SLC35G3: variants seen among roughly 807,000 people sequenced by gnomAD.
The protein encoded by SLC35G3 is solute carrier family 35 member G3, also known as acyl-malonyl-condensing enzyme 1.
A neutral mutation model predicts 17.9 loss-of-function variants in SLC35G3; 10 were observed. That is an observed-to-expected ratio of 0.56 (90% CI 0.34 to 0.95). SLC35G3 has a LOEUF of 0.95. SLC35G3 is among the 40% of genes least tolerant of loss of function. The probability of loss-of-function intolerance (pLI) is 0.02; values close to 1 mark genes in which losing one functional copy is unlikely to be tolerated. For missense variants in SLC35G3, 384 were observed against 433.6 expected (o/e 0.89, Z 1.02); for synonymous variants, 208 against 197.7 (o/e 1.05, Z -0.44).
rs749042807 is a variant in SLC35G3, at chr17:35,193,453, G to A, written c.855C>T (p.Val285=). The stretch of plus-strand genomic sequence containing the variant: ...GGGCCACAACCACCTCGGAATGTAG[G>A]ACAGCGCACACCAGGGCAGGGTGGG... ...TKAHPALVCA[V]LHSEVVVALI... is the part of the protein sequence containing the mutation. Residue 285 remains valine (V), a synonymous_variant, in exon 1 of 1, where the codon GTC becomes GTT. Transcript: ENST00000297307. 1.1e-5 allele frequency: 17 copies of A among 1,611,918 alleles called. No homozygotes were observed. Among genetic ancestry groups the A allele is most frequent in the Middle Eastern group, 2.2e-4 (1 of 4,456 alleles).
chr17:35,194,083 C>T lies in SLC35G3; in HGVS notation c.225G>A (p.Trp75Ter), dbSNP rs1342513968. The T allele has an allele frequency of 8.1e-6, 13 of 1,613,870 alleles. No individual in the cohort carries two copies. The highest frequency in any genetic ancestry group is 1.1e-5 in the Non-Finnish European group (13 of 1,179,880). ...CAATAGGGAGGTGGAAGAGGCATCGCCAGATGAGCAGCTCCAGCGAGGGCA... is the reference window on the plus strand; with the variant it reads ...CAATAGGGAGGTGGAAGAGGCATCGTCAGATGAGCAGCTCCAGCGAGGGCA... The part of the protein sequence containing the change: ...SNLPSLELLI[W>*]RCLFHLPIAL... The change falls in exon 1 of 1, where the codon TGG becomes TGA. Residue 75 changes from tryptophan to a stop codon, truncating the protein, a stop_gained. Coordinates refer to ENST00000297307, the MANE Select transcript of SLC35G3 (RefSeq NM_152462.2). LOFTEE classifies it high-confidence loss of function.
chr17:35,194,263 G>C lies in SLC35G3; in HGVS notation c.45C>G (p.His15Gln). 1.2e-6 allele frequency: 2 copies of C among 1,613,164 alleles called. No homozygotes were observed. The highest frequency in any genetic ancestry group is 2.2e-5 in the South Asian group (2 of 90,982). ...TGGGTGGAGCGGAGGGCGGCGATGGGTGTGTGGAGTCAGGCTGGTTGAAAT... is the reference window on the plus strand; with the variant it reads ...TGGGTGGAGCGGAGGGCGGCGATGGCTGTGTGGAGTCAGGCTGGTTGAAAT... ...HPYFNQPDST[H>Q]PSPPSAPPSL... The change falls in exon 1 of 1, where the codon CAC becomes CAG. Residue 15 changes from histidine (H) to glutamine (Q), a missense_variant. Transcript: ENST00000297307.
rs1261082583 is a variant in SLC35G3, at chr17:35,192,685, A to C, written c.*606T>G. On this transcript the variant is annotated 3_prime_UTR_variant, in exon 1 of 1. Transcript: ENST00000297307. ...TTTTATATCCAATGACTTTACAAAA[A>C]ATCATTTACAAAGAAGTGACTGCAT... The C allele has an allele frequency of 3.1e-5, 5 of 161,546 alleles. No homozygotes were observed. Among genetic ancestry groups the C allele is most frequent in the African/African-American group, 9.6e-5 (4 of 41,484 alleles). The allele number at this position is 161,546 out of a possible 1,614,324, so 10.0% of individuals were successfully genotyped here.
chr17:35,193,502 C>A lies in SLC35G3; in HGVS notation c.806G>T (p.Cys269Phe). The A allele has an allele frequency of 1.2e-6, 2 of 1,612,042 alleles. No individual in the cohort carries two copies. Among genetic ancestry groups the A allele is most frequent in the South Asian group, 2.2e-5 (2 of 90,986 alleles). The part of the protein sequence containing the change: ...VGILALVSFT[C>F]VGYAVTKAHP... The stretch of plus-strand genomic sequence containing the variant: ...GGCCTTGGTGACCGCATAGCCCACA[C>A]ATGTGAAGGAGACCAAGGCGAGGAT... The change falls in exon 1 of 1, where the codon TGT becomes TTT. Residue 269 changes from cysteine (C) to phenylalanine (F), a missense_variant. Physicochemically the swap from Cys to Phe is radical, Grantham distance 205. Transcript: ENST00000297307.
chr17:35,192,930 C>G lies in SLC35G3; in HGVS notation c.*361G>C, dbSNP rs2092332238. 3 of 340,574 alleles carry G rather than the reference C, an allele frequency of 8.8e-6. No individual in the cohort carries two copies. The highest frequency in any genetic ancestry group is 9.2e-4 in the Middle Eastern group (1 of 1,092). 21.1% of individuals were successfully genotyped at this position (340,574 alleles called of 1,614,324 possible). ...ACGCTTCCCTCCCCCAGCGCAGCTG[C>G]TGGCTCTGTCTTTGCCGGAACACTC... On this transcript the variant is annotated 3_prime_UTR_variant, in exon 1 of 1. Coordinates refer to ENST00000297307, the MANE Select transcript of SLC35G3 (RefSeq NM_152462.2).
chr17:35,193,326 G>T lies in SLC35G3; in HGVS notation c.982C>A (p.Leu328Ile). The change falls in exon 1 of 1, where the codon CTC (leucine) becomes ATC (isoleucine). Residue 328 changes from leucine to isoleucine, a missense_variant. Physicochemically the swap from Leu to Ile is conservative, Grantham distance 5 (BLOSUM62 2). Transcript: ENST00000297307. The part of the protein sequence containing the change: ...GSIAIITAQN[L>I]SCERTGRVEE ...ACCCTCCCTGTCCTCTCACAGCTGAGGTTCTGGGCTGTAATGATGGCAATG... is the reference window on the plus strand; with the variant it reads ...ACCCTCCCTGTCCTCTCACAGCTGATGTTCTGGGCTGTAATGATGGCAATG... The T allele has an allele frequency of 6.2e-7, 1 of 1,611,950 alleles. No homozygotes were observed. The highest frequency in any genetic ancestry group is 8.5e-7 in the Non-Finnish European group (1 of 1,179,856).
In SLC35G3 at chr17:35,193,049, T is replaced by C. The variant is rs978072903; in HGVS notation, c.*242A>G. 6 of 710,302 alleles carry C rather than the reference T, an allele frequency of 8.4e-6. No homozygotes were observed. The highest frequency in any genetic ancestry group is 7.2e-5 in the African/African-American group (4 of 55,866). 44.0% of individuals were successfully genotyped at this position (710,302 alleles called of 1,614,324 possible). ...GCCCTTTGGATCTGCTCCTCAGACT[T>C]TACCCCTTAGTTATGCCCTGATTCT... On this transcript the variant is annotated 3_prime_UTR_variant, in exon 1 of 1. Transcript: ENST00000297307.
chr17:35,194,109 G>T lies in SLC35G3; in HGVS notation c.199C>A (p.Leu67Met), dbSNP rs932971295. 1 of 1,613,840 alleles carries T rather than the reference G, an allele frequency of 6.2e-7. No individual in the cohort carries two copies. Among genetic ancestry groups the T allele is most frequent in the African/African-American group, 1.3e-5 (1 of 74,936 alleles). Residue 67 changes from leucine (L) to methionine (M), a missense_variant, in exon 1 of 1, where the codon CTG becomes ATG. Leu to Met is a conservative substitution (Grantham distance 15). Transcript: ENST00000297307. ...CAGATGAGCAGCTCCAGCGAGGGCA[G>T]GTTGGAAGCCTGGTAAGCCATACGA... ...LSRMAYQASN[L>M]PSLELLIWRC...
In SLC35G3 at chr17:35,193,378, G is replaced by T; in HGVS notation, c.930C>A (p.Ile310=). ...MLHETVAPSD[I]VAAGVVLGSI... is the part of the protein sequence containing the mutation. ...TGCCCAGCACAACCCCTGCCGCCACGATGTCAGAAGGTGCCACAGTCTCAT... is the reference window on the plus strand; with the variant it reads ...TGCCCAGCACAACCCCTGCCGCCACTATGTCAGAAGGTGCCACAGTCTCAT... Residue 310 remains isoleucine, a synonymous_variant, in exon 1 of 1, where the codon ATC becomes ATA. Transcript: ENST00000297307. The T allele has an allele frequency of 6.2e-7, 1 of 1,611,974 alleles. No individual in the cohort carries two copies. Among genetic ancestry groups the T allele is most frequent in the Non-Finnish European group, 8.5e-7 (1 of 1,179,860 alleles).
chr17:35,193,789 C>T lies in SLC35G3; in HGVS notation c.519G>A (p.Val173=). Reference sequence around the variant, plus strand: ...CCTGTAGTGTCCAGAGTCCAGGTCCCACAATGATGATTAGTCCTAGGATGC... The same window carrying T: ...CCTGTAGTGTCCAGAGTCCAGGTCCTACAATGATGATTAGTCCTAGGATGC... The part of the protein sequence containing the change: ...LGCILGLIII[V]GPGLWTLQEG... The change falls in exon 1 of 1, where the codon GTG becomes GTA. Residue 173 remains valine, a synonymous_variant. Transcript: ENST00000297307. 1.2e-6 allele frequency: 2 copies of T among 1,613,426 alleles called. No homozygotes were observed. Among genetic ancestry groups the T allele is most frequent in the Non-Finnish European group, 1.7e-6 (2 of 1,179,886 alleles).
rs1382690384 is a variant in SLC35G3, at chr17:35,193,079, C to T, written c.*212G>A. 1.0e-4 allele frequency: 89 copies of T among 890,230 alleles called. 1 individual carries two copies. In the East Asian group the frequency reaches 1.3e-3, roughly 13 times the overall value. The allele number at this position is 890,230 out of a possible 1,614,324, so 55.1% of individuals were successfully genotyped here. On this transcript the variant is annotated 3_prime_UTR_variant, in exon 1 of 1. Coordinates refer to ENST00000297307, the MANE Select transcript of SLC35G3 (RefSeq NM_152462.2). The stretch of plus-strand genomic sequence containing the variant: ...CCTTAGTTATGCCCTGATTCTAGGA[C>T]CCAGCCTGGACTCCACATCCCTTGG...
rs2092331698 is a variant in SLC35G3 at position 35,192,793 on chromosome 17, T to TC, written c.*497_*498insG. The TC allele has an allele frequency of 6.2e-6, 1 of 161,308 alleles. No homozygotes were observed. The highest frequency in any genetic ancestry group is 2.4e-5 in the African/African-American group (1 of 41,466). 10.0% of individuals were successfully genotyped at this position (161,308 alleles called of 1,614,324 possible). ...CTATTCAGGTATCTTTTTTTTTTTT[T>TC]TTCACATTCACTGTAATCCTTGTTT... On this transcript the variant is annotated 3_prime_UTR_variant, in exon 1 of 1. Transcript: ENST00000297307.
In SLC35G3 at chr17:35,193,586, A is replaced by AC. The variant is rs748041242; in HGVS notation, c.721_722insG (p.Leu241ArgfsTer9). ...GTCACTGGGCAACACGGGGGCCTGC[A>AC]GCACAAAGAGGCCTGGCACAGAGCC... On this transcript the variant is annotated frameshift_variant, in exon 1 of 1. Transcript: ENST00000297307. LOFTEE classifies it high-confidence loss of function. 6.2e-7 allele frequency: 1 copy of AC among 1,612,048 alleles called. No individual in the cohort carries two copies. The highest frequency in any genetic ancestry group is 8.5e-7 in the Non-Finnish European group (1 of 1,179,860).
rs1215003945 is a variant in SLC35G3, at chr17:35,193,337, G to A, written c.971C>T (p.Thr324Ile). The change falls in exon 1 of 1, where the codon ACA (threonine) becomes ATA (isoleucine). Residue 324 changes from threonine (T) to isoleucine (I), a missense_variant. Coordinates refer to ENST00000297307, the MANE Select transcript of SLC35G3 (RefSeq NM_152462.2). ...CCTCTCACAGCTGAGGTTCTGGGCT[G>A]TAATGATGGCAATGCTGCCCAGCAC... ...GVVLGSIAII[T>I]AQNLSCERTG... is the part of the protein sequence containing the mutation. 4 of 1,611,988 alleles carry A rather than the reference G, an allele frequency of 2.5e-6. No homozygotes were observed. The South Asian group carries it at 4.4e-5, about 18-fold the overall frequency.
chr17:35,193,711 T>C lies in SLC35G3; in HGVS notation c.597A>G (p.Gly199=). The part of the protein sequence containing the change: ...TALGYVEAFL[G]GLALSLRLLV... The stretch of plus-strand genomic sequence containing the variant: ...GAAGCCTCAGGGACAGCGCCAGGCC[T>C]CCCAGGAAAGCCTCCACATAGCCCA... The change falls in exon 1 of 1, where the codon GGA becomes GGG. Residue 199 remains glycine (G), a synonymous_variant. Coordinates refer to ENST00000297307, the MANE Select transcript of SLC35G3 (RefSeq NM_152462.2). The C allele has an allele frequency of 6.2e-7, 1 of 1,612,008 alleles. No homozygotes were observed. The highest frequency in any genetic ancestry group is 2.2e-5 in the East Asian group (1 of 44,870).
Position 35,192,888 on chromosome 17 carries a change from G to T in SLC35G3, c.*403C>A. ...GAGGAAAGGAAACCTTCCCCGTGAG[G>T]GGAGGGGTGGGGAGGCACGCTTCCC... is the stretch of plus-strand genomic sequence containing the variant. On this transcript the variant is annotated 3_prime_UTR_variant, in exon 1 of 1. Coordinates refer to ENST00000297307, the MANE Select transcript of SLC35G3 (RefSeq NM_152462.2). The T allele has an allele frequency of 3.8e-6, 1 of 261,280 alleles. No homozygotes were observed. The highest frequency in any genetic ancestry group is 7.4e-6 in the Non-Finnish European group (1 of 135,906). 16.2% of individuals were successfully genotyped at this position (261,280 alleles called of 1,614,324 possible). A position where few individuals can be genotyped will look rare whatever the true frequency, so the allele number is the denominator to read the frequency against.
Position 35,192,602 on chromosome 17 carries a change from G to A in SLC35G3, c.*689C>T, listed in dbSNP as rs1192765305. 6.4e-6 allele frequency: 1 copy of A among 156,110 alleles called. No homozygotes were observed. The highest frequency in any genetic ancestry group is 1.4e-5 in the Non-Finnish European group (1 of 70,924). 9.7% of individuals were successfully genotyped at this position (156,110 alleles called of 1,614,324 possible). ...TTAACAGTGCTAGTACAGATGATTT[G>A]ATTTATACATTGATTTCAGCATTTT... On this transcript the variant is annotated 3_prime_UTR_variant, in exon 1 of 1. Coordinates refer to ENST00000297307, the MANE Select transcript of SLC35G3 (RefSeq NM_152462.2).
chr17:35,193,045 G>C lies in SLC35G3; in HGVS notation c.*246C>G. On this transcript the variant is annotated 3_prime_UTR_variant, in exon 1 of 1. Transcript: ENST00000297307. The stretch of plus-strand genomic sequence containing the variant: ...CTCAGCCCTTTGGATCTGCTCCTCA[G>C]ACTTTACCCCTTAGTTATGCCCTGA... The C allele has an allele frequency of 1.4e-6, 1 of 698,048 alleles. No individual in the cohort carries two copies. The highest frequency in any genetic ancestry group is 3.0e-5 in the Admixed American group (1 of 33,586). The allele number at this position is 698,048 out of a possible 1,614,324, so 43.2% of individuals were successfully genotyped here.
chr17:35,192,993 C>G lies in SLC35G3; in HGVS notation c.*298G>C, dbSNP rs1597946985. ...TCTTCTCTTTGCTGCTGAGTGAAGTCCTCCCCATGGCCCACGGCCTCCCTG... is the reference window on the plus strand; with the variant it reads ...TCTTCTCTTTGCTGCTGAGTGAAGTGCTCCCCATGGCCCACGGCCTCCCTG... On this transcript the variant is annotated 3_prime_UTR_variant, in exon 1 of 1. Transcript: ENST00000297307. The G allele has an allele frequency of 1.9e-6, 1 of 520,246 alleles. No individual in the cohort carries two copies. The highest frequency in any genetic ancestry group is 3.5e-5 in the East Asian group (1 of 28,718). 32.2% of individuals were successfully genotyped at this position (520,246 alleles called of 1,614,324 possible). A position where few individuals can be genotyped will look rare whatever the true frequency, so the allele number is the denominator to read the frequency against.
Sources: gnomAD v4.1 joint callset for allele counts on GRCh38, gnomAD v4.1.1 for gene constraint, MANE v1.5 for transcripts, NCBI Gene and HGNC (gene_info 2026-07-23, HGNC 2026-07-21) for gene names.